The following PTPRD variants were observed in gnomAD, a reference collection of about 807,000 sequenced individuals.
PTPRD encodes protein tyrosine phosphatase receptor type D.
Under a neutral mutation model 214.5 loss-of-function variants are expected in PTPRD, and 34 were observed. The observed-to-expected ratio is 0.16, with a 90% CI of 0.12 to 0.21. The LOEUF is 0.21. Ranked by LOEUF, PTPRD falls within the 10% of genes least tolerant of loss-of-function variation. PTPRD has a pLI of 1.00. For synonymous variants in PTPRD, 1,128 were observed against 845.7 expected (o/e 1.33, Z -5.79); for missense variants, 2,545 against 2,398.7 (o/e 1.06, Z -1.27).
At chr9:9,219,888 A>G (rs1025830968) in intron 9 of PTPRD, among the ~76,000 whole-genome samples, 1 of 152,196 alleles carries the variant, frequency 6.6e-6, no homozygotes, top group Non-Finnish European at 1.5e-5. Flanking sequence ...CATTGGGACT[A>G]TGGTAAAGGG....
Position 8,608,672 on chromosome 9 carries a change from T to C in PTPRD, c.352+24645A>G, listed in dbSNP as rs187352712. 1.2e-4 allele frequency among the ~76,000 whole-genome samples: 19 copies of C among 152,218 alleles called. 1 individual carries two copies. The highest frequency in any genetic ancestry group is 1.2e-3 in the Admixed American group (19 of 15,290). ...CTGGAAAATCACGGCGTTTAGTACA[T>C]GAATAGCAGTTGCCATTAGAGTACT... On this transcript the variant is annotated intron_variant, in intron 14 of 45. Transcript: ENST00000381196.
At chr9:10,309,817 C>A (rs990475304) in intron 3 of PTPRD, among the ~76,000 whole-genome samples, 4 of 151,902 alleles carry the variant, frequency 2.6e-5, no homozygotes, top group Non-Finnish European at 1.5e-5. Flanking sequence ...TATTTTTAAA[C>A]GAAGAAACTT....
At chr9:9,036,674 C>T (rs1023377278) in intron 10 of PTPRD, among the ~76,000 whole-genome samples, 7 of 152,122 alleles carry the variant, frequency 4.6e-5, no homozygotes, top group African/African-American at 1.7e-4. Context: ...GACAAAGATG[C>T]TAGGTGAAAA....
At chr9:9,498,031 T>C (rs1589924252) in intron 8 of PTPRD, among the ~76,000 whole-genome samples, 1 of 152,222 alleles carries the variant, frequency 6.6e-6, no homozygotes, top group Non-Finnish European at 1.5e-5. Context: ...CAGTTCCCAG[T>C]TTTGCACATT....
intron 21 of PTPRD, among the ~76,000 whole-genome samples, chr9:8,511,849 T>C (rs960765014): frequency 6.6e-6 from 1 of 152,134 alleles, no homozygotes; most frequent in Non-Finnish European, 1.5e-5. Context: ...ATCCTACTGA[T>C]ACATGTTAAG....
chr9:9,312,127 G>A (rs909197860), intron 9 of PTPRD, among the ~76,000 whole-genome samples: 1 of 152,106 alleles, frequency 6.6e-6, no homozygotes, highest in Non-Finnish European at 1.5e-5. Context: ...CATTAAGCTT[G>A]ATTTCAGCAA....
In PTPRD at chr9:10,198,888, A is replaced by G. The variant is rs139152444; in HGVS notation, c.-545+142075T>C. On this transcript the variant is annotated intron_variant, in intron 3 of 45. Transcript: ENST00000381196. ...CATTGTATACAAGTTGACAATAAAA[A>G]GACACATGTTAAAGAGGCTTAGGGG... Among the ~76,000 whole-genome samples the G allele has an allele frequency of 3.6e-4, 55 of 152,254 alleles. 1 individual carries two copies. Among genetic ancestry groups the G allele is most frequent in the Admixed American group, 9.2e-4 (14 of 15,268 alleles).
chr9:9,204,438 C>T (rs2099943615), intron 9 of PTPRD, among the ~76,000 whole-genome samples: 2 of 152,110 alleles, frequency 1.3e-5, no homozygotes, highest in South Asian at 4.2e-4. Context: ...TAGTTTAATC[C>T]ACTCATGTTT....
intron 9 of PTPRD, among the ~76,000 whole-genome samples, chr9:9,315,651 T>G (rs1962386269): frequency 6.6e-6 from 1 of 151,812 alleles, no homozygotes; most frequent in African/African-American, 2.4e-5. Context: ...ATATTAACTT[T>G]CATCTCATAA....
At chr9:10,090,437 G>T (rs2098415443) in intron 3 of PTPRD, among the ~76,000 whole-genome samples, 1 of 151,154 alleles carries the variant, frequency 6.6e-6, no homozygotes, top group African/African-American at 2.4e-5. Context: ...TTCTTAAAGG[G>T]CAAAATCTGC....
chr9:9,723,464 T>G (rs1053300909), intron 7 of PTPRD, among the ~76,000 whole-genome samples: 4 of 152,040 alleles, frequency 2.6e-5, no homozygotes, highest in African/African-American at 9.7e-5. Flanking sequence ...TCAGAAACTA[T>G]GAGTCCTCCT....
intron 4 of PTPRD, among the ~76,000 whole-genome samples, chr9:10,017,710 C>G (rs1216338918): frequency 6.6e-6 from 1 of 152,050 alleles, no homozygotes; most frequent in Non-Finnish European, 1.5e-5. Flanking sequence ...TTTCTGGAAT[C>G]TGTATTCTGT....
In PTPRD at chr9:9,065,322, A is replaced by G. The variant is rs545104149; in HGVS notation, c.-142-46587T>C. Among the ~76,000 whole-genome samples the G allele has an allele frequency of 7.2e-5, 11 of 152,226 alleles. No homozygotes were observed. The East Asian group carries it at 2.1e-3, about 30-fold the overall frequency. ...AAAAGTGACAATGGTAGAAATTGATAAGGTTCCATTGGGAGGGAGATCTAC... is the reference window on the plus strand; with the variant it reads ...AAAAGTGACAATGGTAGAAATTGATGAGGTTCCATTGGGAGGGAGATCTAC... On this transcript the variant is annotated intron_variant, in intron 10 of 45. Coordinates refer to ENST00000381196, the MANE Select transcript of PTPRD (RefSeq NM_002839.4).
chr9:9,817,285 T>C (rs1346833844), intron 5 of PTPRD, among the ~76,000 whole-genome samples: 2 of 152,206 alleles, frequency 1.3e-5, no homozygotes, highest in Non-Finnish European at 2.9e-5. Flanking sequence ...AGACTAAATA[T>C]GCCTCAATGA....
intron 7 of PTPRD, among the ~76,000 whole-genome samples, chr9:9,625,562 T>G (rs1042508340): frequency 2.6e-5 from 4 of 152,124 alleles, no homozygotes; most frequent in Admixed American, 1.3e-4. Context: ...TATTTTTTTT[T>G]TTTTTGTTTT....
intron 4 of PTPRD, among the ~76,000 whole-genome samples, chr9:10,025,433 A>G (rs1276285186): frequency 2.0e-5 from 3 of 152,216 alleles, no homozygotes; most frequent in African/African-American, 7.2e-5. Context: ...ATTTTGCCTG[A>G]GAATGATAAT....
chr9:10,001,262 G>GC (rs2096305894), intron 4 of PTPRD, among the ~76,000 whole-genome samples: 1 of 151,980 alleles, frequency 6.6e-6, no homozygotes. Flanking sequence ...AATGAACCGA[G>GC]CCCCCAAAAC....
intron 9 of PTPRD, among the ~76,000 whole-genome samples, chr9:9,229,452 T>C (rs1244704599): frequency 6.6e-6 from 1 of 152,094 alleles, no homozygotes; most frequent in Non-Finnish European, 1.5e-5. Context: ...GAATAATCTG[T>C]AATCCTTCAT....
chr9:8,325,093 T>C lies in PTPRD; in HGVS notation c.5535-5127A>G, dbSNP rs948610091. Among the ~76,000 whole-genome samples the C allele has an allele frequency of 4.8e-5, 7 of 144,388 alleles. 1 individual carries two copies. The highest frequency in any genetic ancestry group is 1.8e-4 in the African/African-American group (7 of 38,158). 94.7% of individuals were successfully genotyped at this position (144,388 alleles called of 152,430 possible). A position where few individuals can be genotyped will look rare whatever the true frequency, so the allele number is the denominator to read the frequency against. On this transcript the variant is annotated intron_variant, in intron 44 of 45. Transcript: ENST00000381196. ...GTTTTTTATGCTGTGCAGAAGCTCT[T>C]TAGTTTAATTAGATCCCATTTGCCA...
Sources: allele counts gnomAD v4.1 joint callset (sites outside exome capture counted in the v4.1 genomes callset), GRCh38; gene constraint gnomAD v4.1.1; transcripts MANE v1.5; gene names NCBI Gene and HGNC (gene_info 2026-07-23, HGNC 2026-07-21).